Variants in MTUS2 observed in about 807,000 individuals in gnomAD.
MTUS2 encodes the protein microtubule associated scaffold protein 2, also known as microtubule-associated tumor suppressor candidate 2.
In MTUS2, 40 loss-of-function variants were observed where a neutral mutation model predicts 114.1. That is an observed-to-expected ratio of 0.35 (90% CI 0.27 to 0.46). The LOEUF is 0.46. Among genes scored for constraint, MTUS2 ranks in the 20% least tolerant of loss-of-function variants. The pLI, the probability that MTUS2 is intolerant of heterozygous loss-of-function variation, is 1.00. For synonymous variants in MTUS2, 688 were observed against 672.0 expected (o/e 1.02, Z -0.37); for missense variants, 1,679 against 1,705.4 (o/e 0.98, Z 0.27).
intron 5 of MTUS2, among the ~76,000 whole-genome samples, chr13:29,249,593 C>A (rs142280847): frequency 6.6e-6 from 1 of 152,086 alleles, no homozygotes; most frequent in Non-Finnish European, 1.5e-5. Flanking sequence ...TGTTTGTTGG[C>A]GGCATAAATG....
intron 1 of MTUS2, among the ~76,000 whole-genome samples, chr13:28,828,045 C>T (rs564000411): frequency 2.0e-5 from 3 of 152,106 alleles, no homozygotes; most frequent in Non-Finnish European, 2.9e-5. Context: ...GGGAGCGCTA[C>T]GGGAGACTGG....
Position 29,025,622 on chromosome 13 carries a change from C to G in MTUS2, c.924C>G (p.Ala308=). The change falls in exon 3 of 16, where the codon GCC becomes GCG. Residue 308 remains alanine, a synonymous_variant. Transcript: ENST00000612955. ...EAQLGQGKGE[A]KLDLKYVPPR... ...AATTAGGTCAGGGAAAGGGAGAGGC[C>G]AAGCTGGATCTGAAATATGTTCCTC... 1 of 1,613,994 alleles carries G rather than the reference C, an allele frequency of 6.2e-7. No individual in the cohort carries two copies. The highest frequency in any genetic ancestry group is 8.5e-7 in the Non-Finnish European group (1 of 1,179,882).
At chr13:29,462,990 A>G (rs1879620501) in intron 9 of MTUS2, among the ~76,000 whole-genome samples, 1 of 152,056 alleles carries the variant, frequency 6.6e-6, no homozygotes, top group Non-Finnish European at 1.5e-5. Context: ...AGATGGGGAG[A>G]GTATCCTTTG....
intron 4 of MTUS2, among the ~76,000 whole-genome samples, chr13:29,070,296 CTTAT>C (rs1251293672): frequency 1.3e-5 from 2 of 152,196 alleles, no homozygotes; most frequent in African/African-American, 4.8e-5. Flanking sequence ...CTCTGGTTTA[CTTAT>C]TTATTTTGCT....
intron 5 of MTUS2, among the ~76,000 whole-genome samples, chr13:29,184,143 T>C (rs1410281341): frequency 6.6e-6 from 1 of 152,218 alleles, no homozygotes; most frequent in East Asian, 1.9e-4. Flanking sequence ...TCAATATTTG[T>C]TTGCTGTTTT....
At chr13:29,061,435 A>G (rs1053251671) in intron 4 of MTUS2, among the ~76,000 whole-genome samples, 2 of 152,148 alleles carry the variant, frequency 1.3e-5, no homozygotes, top group Admixed American at 6.5e-5. Flanking sequence ...TCTTTCCTCA[A>G]AAGTTGTTCT....
chr13:29,030,550 T>A (rs1235518098), intron 3 of MTUS2, among the ~76,000 whole-genome samples: 5 of 152,128 alleles, frequency 3.3e-5, no homozygotes, highest in Non-Finnish European at 7.3e-5. Flanking sequence ...TATGACATGA[T>A]GTAACCCAGC....
At chr13:28,892,744 T>G (rs539532048) in intron 2 of MTUS2, among the ~76,000 whole-genome samples, 1 of 152,282 alleles carries the variant, frequency 6.6e-6, no homozygotes, top group African/African-American at 2.4e-5. Context: ...GTAAAACACA[T>G]TGCCCAGCAT....
chr13:28,853,206 A>G (rs978099298), intron 2 of MTUS2, among the ~76,000 whole-genome samples: 12 of 152,198 alleles, frequency 7.9e-5, no homozygotes, highest in African/African-American at 2.9e-4. Flanking sequence ...GGGGAGTTTA[A>G]TTTTCAAGAG....
intron 2 of MTUS2, among the ~76,000 whole-genome samples, chr13:28,847,633 T>C (rs1414969068): frequency 2.0e-5 from 3 of 152,182 alleles, no homozygotes; most frequent in Non-Finnish European, 2.9e-5. Flanking sequence ...TCCTTTCCTG[T>C]GTGGCCTAGT....
chr13:28,954,462 G>C (rs1566249206), intron 2 of MTUS2, among the ~76,000 whole-genome samples: 1 of 152,186 alleles, frequency 6.6e-6, no homozygotes, highest in Non-Finnish European at 1.5e-5. Context: ...ATTAGTCCAT[G>C]CACACGGGGC....
At chr13:29,062,089 A>G (rs1888447223) in intron 4 of MTUS2, among the ~76,000 whole-genome samples, 1 of 152,212 alleles carries the variant, frequency 6.6e-6, no homozygotes, top group South Asian at 2.1e-4. Flanking sequence ...GATTCAAGCA[A>G]TTCTCGTGCC....
At chr13:29,413,384 A>G (rs1948095660) in intron 8 of MTUS2, among the ~76,000 whole-genome samples, 3 of 151,346 alleles carry the variant, frequency 2.0e-5, no homozygotes, top group East Asian at 3.9e-4. Context: ...CATTCAGGAC[A>G]TAGGCGTGGG....
rs560297639 is a variant in MTUS2 at position 28,981,889 on chromosome 13, G to A, written c.-242-42568G>A. Among the ~76,000 whole-genome samples, 4 of 152,322 alleles carry A rather than the reference G, an allele frequency of 2.6e-5. No individual in the cohort carries two copies. The South Asian group carries it at 8.3e-4, about 32-fold the overall frequency. On this transcript the variant is annotated intron_variant, in intron 2 of 15. Transcript: ENST00000612955. ...ATTGTGTCACCCCGAGGCTCAAGTGGGTATGAGCGTATCTGGTTCCGTTTC... is the reference window on the plus strand; with the variant it reads ...ATTGTGTCACCCCGAGGCTCAAGTGAGTATGAGCGTATCTGGTTCCGTTTC...
intron 1 of MTUS2, among the ~76,000 whole-genome samples, chr13:28,825,487 G>A (rs1477964951): frequency 6.6e-6 from 1 of 152,190 alleles, no homozygotes. Context: ...ACTGGGGTTG[G>A]TTAGGGTTTG....
At chr13:29,250,818 T>G (rs1475631029) in intron 5 of MTUS2, among the ~76,000 whole-genome samples, 2 of 152,204 alleles carry the variant, frequency 1.3e-5, no homozygotes, top group Non-Finnish European at 2.9e-5. Flanking sequence ...TTCTAGTTTT[T>G]ATTACCCGTA....
chr13:28,840,206 T>C (rs1875379916), intron 2 of MTUS2, among the ~76,000 whole-genome samples: 1 of 152,158 alleles, frequency 6.6e-6, no homozygotes, highest in Non-Finnish European at 1.5e-5. Flanking sequence ...GTAATATTAA[T>C]GGACAGACAT....
chr13:29,101,079 C>G (rs1438882300), intron 5 of MTUS2, 109 bp downstream of exon 5: 1 of 1,150,414 alleles, frequency 8.7e-7, no homozygotes, highest in Non-Finnish European at 1.2e-6. Flanking sequence ...TGCATCACCT[C>G]CCTTAGCTTC....
At chr13:29,410,634 C>G (rs949141715) in intron 8 of MTUS2, among the ~76,000 whole-genome samples, 1 of 151,864 alleles carries the variant, frequency 6.6e-6, no homozygotes, top group African/African-American at 2.4e-5. Context: ...CAGATATTAC[C>G]CCTTTATCTG....
Sources: allele counts gnomAD v4.1 joint callset (sites outside exome capture counted in the v4.1 genomes callset), GRCh38; gene constraint gnomAD v4.1.1; transcripts MANE v1.5; gene names NCBI Gene and HGNC (gene_info 2026-07-23, HGNC 2026-07-21).